Variants in TSHZ2 observed in about 807,000 individuals in gnomAD.
TSHZ2 encodes teashirt homolog 2.
TSHZ2 carries 21 observed loss-of-function variants against 74.4 expected under a neutral mutation model. That is an observed-to-expected ratio of 0.28 (90% CI 0.20 to 0.41). The LOEUF is 0.41. Among genes scored for constraint, TSHZ2 ranks in the 10% least tolerant of loss-of-function variants. The probability of loss-of-function intolerance (pLI) is 1.00; values close to 1 mark genes in which losing one functional copy is unlikely to be tolerated. For synonymous variants in TSHZ2, 540 were observed against 515.3 expected (o/e 1.05, Z -0.65); for missense variants, 1,244 against 1,293.5 (o/e 0.96, Z 0.59).
intron 1 of TSHZ2, among the ~76,000 whole-genome samples, chr20:53,235,410 T>C (rs1989920935): frequency 6.6e-6 from 1 of 152,112 alleles, no homozygotes. Flanking sequence ...CCTCATGTGA[T>C]CCACCCACCT....
chr20:53,004,965 C>T (rs913594840), intron 1 of TSHZ2, among the ~76,000 whole-genome samples: 1 of 152,042 alleles, frequency 6.6e-6, no homozygotes, highest in Non-Finnish European at 1.5e-5. Context: ...ATAATAGAAT[C>T]GTGGGAGTCA....
chr20:53,206,492 G>T (rs1989170997), intron 1 of TSHZ2: 1 of 152,232 alleles, frequency 6.6e-6, no homozygotes, highest in East Asian at 1.9e-4. Context: ...GAAGGGAAAA[G>T]ATTTCATCTA....
intron 1 of TSHZ2, among the ~76,000 whole-genome samples, chr20:53,203,681 G>A (rs188700214): frequency 4.6e-5 from 7 of 152,174 alleles, no homozygotes; most frequent in Admixed American, 2.0e-4. Flanking sequence ...TGGTCTCATC[G>A]CCAGACATAG....
In TSHZ2 at chr20:53,253,621, G is replaced by A. The variant is rs1432782504; in HGVS notation, c.163G>A (p.Glu55Lys). 1.9e-6 allele frequency: 3 copies of A among 1,614,190 alleles called. No homozygotes were observed. The highest frequency in any genetic ancestry group is 1.7e-5 in the Admixed American group (1 of 60,034). ...GNDTGTDEEL[E>K]TGPEQKGCFS... ...TGACACAGGGACGGACGAGGAGCTA[G>A]AAACGGGCCCAGAGCAAAAAGGCTG... Residue 55 changes from glutamate (E) to lysine (K), a missense_variant, in exon 2 of 3, where the codon GAA becomes AAA. Physicochemically the swap from Glu to Lys is moderately conservative, Grantham distance 56. Transcript: ENST00000371497.
At chr20:53,359,034 T>C (rs140882559) in intron 2 of TSHZ2, among the ~76,000 whole-genome samples, 3 of 152,338 alleles carry the variant, frequency 2.0e-5, no homozygotes, top group Non-Finnish European at 2.9e-5. Context: ...CTTTTTCTGC[T>C]TGAAAACATT....
chr20:53,232,799 C>T (rs1013710536), intron 1 of TSHZ2, among the ~76,000 whole-genome samples: 1 of 152,036 alleles, frequency 6.6e-6, no homozygotes, highest in African/African-American at 2.4e-5. Flanking sequence ...TGCCAAGCAC[C>T]GTGTGAAGCA....
intron 2 of TSHZ2, among the ~76,000 whole-genome samples, chr20:53,315,276 T>A (rs950141625): frequency 8.5e-5 from 13 of 152,238 alleles, no homozygotes; most frequent in Admixed American, 4.6e-4. Flanking sequence ...AGTGTAGATT[T>A]GGTAAATAAC....
At chr20:53,028,498 T>C (rs1408044811) in intron 1 of TSHZ2, among the ~76,000 whole-genome samples, 1 of 152,258 alleles carries the variant, frequency 6.6e-6, no homozygotes, top group Non-Finnish European at 1.5e-5. Flanking sequence ...AATCTATTTC[T>C]TTGCCCTGGA....
At chr20:53,289,531 A>G (rs749020746) in intron 2 of TSHZ2, among the ~76,000 whole-genome samples, 33 of 152,016 alleles carry the variant, frequency 2.2e-4, no homozygotes, top group Non-Finnish European at 2.9e-4. Context: ...GTGGAATCTC[A>G]TTGAGGTTTT....
chr20:53,197,401 C>A (rs559972057), intron 1 of TSHZ2, among the ~76,000 whole-genome samples: 2 of 152,264 alleles, frequency 1.3e-5, no homozygotes, highest in Admixed American at 6.5e-5. Context: ...TTTAACAAAA[C>A]TATGTTTTCT....
rs749447914 is a variant in TSHZ2 at position 53,254,751 on chromosome 20, G to C, written c.1293G>C (p.Ser431=). Residue 431 remains serine, a synonymous_variant, in exon 2 of 3, where the codon TCG becomes TCC. Coordinates refer to ENST00000371497, the MANE Select transcript of TSHZ2 (RefSeq NM_173485.6). Reference sequence around the variant, plus strand: ...CGTTAGCAGTGGAGAAAATGCAGTCGTTGTCTGAGGCCCCAAACAGTGATT... The same window carrying C: ...CGTTAGCAGTGGAGAAAATGCAGTCCTTGTCTGAGGCCCCAAACAGTGATT... The part of the protein sequence containing the change: ...LDPLAVEKMQ[S]LSEAPNSDSL... 3 of 1,613,382 alleles carry C rather than the reference G, an allele frequency of 1.9e-6. No homozygotes were observed. Among genetic ancestry groups the C allele is most frequent in the East Asian group, 2.2e-5 (1 of 44,858 alleles).
chr20:53,353,137 G>A (rs1253468701), intron 2 of TSHZ2, among the ~76,000 whole-genome samples: 3 of 152,146 alleles, frequency 2.0e-5, no homozygotes, highest in Admixed American at 6.5e-5. Context: ...CTCACCCTTC[G>A]TAGAAAATGA....
Position 53,493,788 on chromosome 20 carries a change from A to G in TSHZ2, c.*6653A>G, listed in dbSNP as rs1347851618. ...AGGAAGATTATACCACCCTGTGGCC[A>G]AACAGATTCATCACAGATAGGCATC... On this transcript the variant is annotated 3_prime_UTR_variant, in exon 3 of 3. Transcript: ENST00000371497. 6.6e-6 allele frequency: 1 copy of G among 151,906 alleles called. No individual in the cohort carries two copies. The highest frequency in any genetic ancestry group is 6.6e-5 in the Admixed American group (1 of 15,258). The allele number at this position is 151,906 out of a possible 1,614,324, so 9.4% of individuals were successfully genotyped here. A position where few individuals can be genotyped will look rare whatever the true frequency, so the allele number is the denominator to read the frequency against.
intron 1 of TSHZ2, among the ~76,000 whole-genome samples, chr20:53,028,936 C>T (rs961385886): frequency 5.9e-5 from 9 of 152,198 alleles, no homozygotes. Context: ...GCTTTTATAA[C>T]AGACACAGCT....
chr20:53,476,278 G>C (rs1366049552), intron 2 of TSHZ2, among the ~76,000 whole-genome samples: 1 of 140,506 alleles, frequency 7.1e-6, no homozygotes, highest in Admixed American at 7.1e-5. Flanking sequence ...CTGGCAAAAC[G>C]AATCCAGCAG....
chr20:53,177,818 T>C (rs1988381354), intron 1 of TSHZ2, among the ~76,000 whole-genome samples: 1 of 152,200 alleles, frequency 6.6e-6, no homozygotes, highest in Admixed American at 6.5e-5. Flanking sequence ...AGGTAGGACT[T>C]GATCCCAATG....
chr20:53,295,415 C>CGT (rs767488393), intron 2 of TSHZ2, among the ~76,000 whole-genome samples: 258 of 141,688 alleles, frequency 1.8e-3, no homozygotes, highest in African/African-American at 4.9e-3. Flanking sequence ...TTTATGTATA[C>CGT]GTGTGTGTGT....
At chr20:53,039,699 G>A (rs923944428) in intron 1 of TSHZ2, among the ~76,000 whole-genome samples, 1 of 152,108 alleles carries the variant, frequency 6.6e-6, no homozygotes, top group African/African-American at 2.4e-5. Flanking sequence ...AGAATTGCTT[G>A]AACCTGGGAG....
At chr20:53,347,581 C>G (rs571575737) in intron 2 of TSHZ2, among the ~76,000 whole-genome samples, 2 of 152,224 alleles carry the variant, frequency 1.3e-5, no homozygotes, top group East Asian at 3.9e-4. Context: ...TTGTCTGTCT[C>G]TACTCAATAA....
Sources: gnomAD v4.1 joint callset for allele counts (sites outside exome capture counted in the v4.1 genomes callset) on GRCh38, gnomAD v4.1.1 for gene constraint, MANE v1.5 for transcripts, NCBI Gene and HGNC (gene_info 2026-07-23, HGNC 2026-07-21) for gene names.